COL22A1: variants seen among roughly 807,000 people sequenced by gnomAD.
COL22A1 encodes collagen type XXII alpha 1 chain.
A neutral mutation model predicts 248.9 loss-of-function variants in COL22A1; 221 were observed. That is an observed-to-expected ratio of 0.89 (90% CI 0.80 to 0.99). The LOEUF (loss-of-function observed/expected upper bound fraction) is 0.99. Among genes scored for constraint, COL22A1 ranks in the 50% least tolerant of loss-of-function variants. The probability of loss-of-function intolerance (pLI) is 0.00; values close to 1 mark genes in which losing one functional copy is unlikely to be tolerated. For missense variants in COL22A1, 2,240 were observed against 2,179.0 expected (o/e 1.03, Z -0.56); for synonymous variants, 891 against 793.4 (o/e 1.12, Z -2.07).
intron 50 of COL22A1, among the ~76,000 whole-genome samples, chr8:138,628,261 A>C (rs1393081188): frequency 1.3e-5 from 2 of 152,170 alleles, no homozygotes; most frequent in Non-Finnish European, 2.9e-5. Context: ...GTATCTTTTT[A>C]TTATAATTTT....
Position 138,630,748 on chromosome 8 carries a change from C to T in COL22A1, c.3610G>A (p.Gly1204Arg). The T allele has an allele frequency of 1.2e-6, 2 of 1,613,740 alleles. No homozygotes were observed. Among genetic ancestry groups the T allele is most frequent in the Non-Finnish European group, 1.7e-6 (2 of 1,179,802 alleles). The change falls in exon 50 of 65, where the codon GGG becomes AGG. Residue 1204 changes from glycine (G) to arginine (R), a missense_variant and splice_region_variant. Transcript: ENST00000303045. ...MGPPGNPGPP[G>R]ADGIAGAAGP... Reference sequence around the variant, plus strand: ...GCAGCTCCTGCAATTCCATCTGCCCCCTAAAAAAGACAAGGCAGAAAGCTA... The same window carrying T: ...GCAGCTCCTGCAATTCCATCTGCCCTCTAAAAAAGACAAGGCAGAAAGCTA...
intron 6 of COL22A1, among the ~76,000 whole-genome samples, chr8:138,824,964 G>A (rs1819466580): frequency 2.6e-5 from 4 of 152,190 alleles, no homozygotes; most frequent in Admixed American, 2.6e-4. Flanking sequence ...TTGACAGAAG[G>A]AGGGGAAGAT....
At chr8:138,848,882 G>A (rs1210961756) in intron 3 of COL22A1, among the ~76,000 whole-genome samples, 1 of 152,184 alleles carries the variant, frequency 6.6e-6, no homozygotes, top group East Asian at 1.9e-4. Flanking sequence ...AGAAACAAGG[G>A]AAGGATGCCA....
chr8:138,614,169 G>A (rs1297673592), intron 55 of COL22A1, among the ~76,000 whole-genome samples: 1 of 152,174 alleles, frequency 6.6e-6, no homozygotes, highest in African/African-American at 2.4e-5. Flanking sequence ...TCCTCCACCT[G>A]GTCCCACAGG....
At chr8:138,710,606 T>TATATAGAG (rs150247137) in intron 30 of COL22A1, among the ~76,000 whole-genome samples, 2 of 147,774 alleles carry the variant, frequency 1.4e-5, no homozygotes, top group African/African-American at 2.5e-5. Context: ...TATCTATCTA[T>TATATAGAG]CTATATATAT....
intron 3 of COL22A1, among the ~76,000 whole-genome samples, chr8:138,858,269 G>C (rs1472901422): frequency 6.6e-6 from 1 of 152,216 alleles, no homozygotes; most frequent in Non-Finnish European, 1.5e-5. Flanking sequence ...GTGGGCGAGA[G>C]AAAGTGCACA....
At chr8:138,768,762 C>T (rs1019701475) in intron 16 of COL22A1, among the ~76,000 whole-genome samples, 4 of 152,022 alleles carry the variant, frequency 2.6e-5, no homozygotes, top group African/African-American at 9.7e-5. Flanking sequence ...ATAGTGAAAC[C>T]CTGTCTCTAC....
At chr8:138,740,110 T>C (rs1249880117) in intron 22 of COL22A1, among the ~76,000 whole-genome samples, 2 of 152,178 alleles carry the variant, frequency 1.3e-5, no homozygotes. Flanking sequence ...TTCCATTTTC[T>C]ATCTAGACAG....
chr8:138,715,038 G>C (rs927657631), intron 30 of COL22A1, among the ~76,000 whole-genome samples: 1 of 152,176 alleles, frequency 6.6e-6, no homozygotes, highest in Admixed American at 6.5e-5. Flanking sequence ...AGGCGACACA[G>C]AGCACTCAGC....
intron 9 of COL22A1, among the ~76,000 whole-genome samples, chr8:138,809,153 G>A (rs1274833545): frequency 6.6e-6 from 1 of 152,040 alleles, no homozygotes; most frequent in Non-Finnish European, 1.5e-5. Flanking sequence ...CCGCTCCACG[G>A]GGCTATTTTG....
chr8:138,811,270 T>TACAC (rs1438634547), intron 9 of COL22A1, among the ~76,000 whole-genome samples: 34 of 112,380 alleles, frequency 3.0e-4, no homozygotes, highest in African/African-American at 9.6e-4. Flanking sequence ...CATATATATA[T>TACAC]ATACACACAC....
Position 138,878,077 on chromosome 8 carries a change from G to C in COL22A1, c.331C>G (p.His111Asp), listed in dbSNP as rs775766874. ...VKAAARRLAY[H>D]GGNTNTGDAL... ...TCTCCCGTGTTGGTGTTGCCCCCGT[G>C]GTAGGCGAGACGCCGGGCAGCCGCC... Residue 111 changes from histidine to aspartate, a missense_variant, in exon 3 of 65, where the codon CAC (histidine) becomes GAC (aspartate). Coordinates refer to ENST00000303045, the MANE Select transcript of COL22A1 (RefSeq NM_152888.3). 1 of 1,598,758 alleles carries C rather than the reference G, an allele frequency of 6.3e-7. No individual in the cohort carries two copies. The highest frequency in any genetic ancestry group is 1.7e-5 in the Admixed American group (1 of 57,804).
At chr8:138,792,297 A>C (rs1455403716) in intron 12 of COL22A1, among the ~76,000 whole-genome samples, 3 of 152,114 alleles carry the variant, frequency 2.0e-5, no homozygotes, top group Admixed American at 2.0e-4. Flanking sequence ...ACCCAACTCT[A>C]CCTGCAATAT....
At chr8:138,786,159 T>C (rs1683386633) in intron 12 of COL22A1, among the ~76,000 whole-genome samples, 1 of 152,198 alleles carries the variant, frequency 6.6e-6, no homozygotes, top group Admixed American at 6.5e-5. Context: ...CCCAAGGACA[T>C]GGAAAACTAG....
chr8:138,668,448 T>C (rs1001026720), intron 41 of COL22A1, among the ~76,000 whole-genome samples: 1 of 152,178 alleles, frequency 6.6e-6, no homozygotes, highest in Non-Finnish European at 1.5e-5. Flanking sequence ...TACACTTACA[T>C]CTGATACACA....
rs542962265 is a variant in COL22A1, at chr8:138,773,068, C to G, written c.1803+2898G>C. Among the ~76,000 whole-genome samples the G allele has an allele frequency of 1.4e-3, 206 of 152,276 alleles. 1 individual carries two copies. The highest frequency in any genetic ancestry group is 4.7e-3 in the African/African-American group (197 of 41,560). Reference sequence around the variant, plus strand: ...AAATATATATTCTTTAAAAAACAAACAAAGCAAAACAAACAAAAAACATTC... The same window carrying G: ...AAATATATATTCTTTAAAAAACAAAGAAAGCAAAACAAACAAAAAACATTC... On this transcript the variant is annotated intron_variant, in intron 16 of 64. Transcript: ENST00000303045.
chr8:138,888,185 A>G (rs971198632), intron 1 of COL22A1, among the ~76,000 whole-genome samples: 1 of 152,196 alleles, frequency 6.6e-6, no homozygotes, highest in Non-Finnish European at 1.5e-5. Context: ...AATGACACTG[A>G]GCCTACCCTG....
intron 15 of COL22A1, chr8:138,778,036 G>C (rs1419027829): frequency 4.6e-6 from 2 of 435,830 alleles, no homozygotes; most frequent in Admixed American, 7.1e-5. Context: ...ACAGGCTGGG[G>C]AAAATGAATT....
intron 3 of COL22A1, among the ~76,000 whole-genome samples, chr8:138,850,348 A>AAACATATGC (rs1821540306): frequency 3.3e-5 from 5 of 152,352 alleles, no homozygotes; most frequent in African/African-American, 1.2e-4. Context: ...GTTTCACAGG[A>AAACATATGC]AGTCTGTGTG....
Sources: gnomAD v4.1 joint callset for allele counts (sites outside exome capture counted in the v4.1 genomes callset) on GRCh38, gnomAD v4.1.1 for gene constraint, MANE v1.5 for transcripts, NCBI Gene and HGNC (gene_info 2026-07-23, HGNC 2026-07-21) for gene names.